NIT2: variants seen among roughly 807,000 people sequenced by gnomAD.
NIT2 encodes omega-amidase NIT2.
A neutral mutation model predicts 42.7 loss-of-function variants in NIT2; 46 were observed. That is an observed-to-expected ratio of 1.08 (90% CI 0.85 to 1.38). The LOEUF is 1.38. NIT2 is among the 40% of genes most tolerant of loss of function. NIT2 has a pLI of 0.00. For missense variants in NIT2, 309 were observed against 342.5 expected, an observed-to-expected ratio of 0.90 and a Z score of 0.77; for synonymous variants, 123 against 121.9, an observed-to-expected ratio of 1.01 and a Z score of -0.06.
chr3:100,353,478 G>A (rs1156917936), intron 8 of NIT2, among the ~76,000 whole-genome samples: 1 of 152,150 alleles, frequency 6.6e-6, no homozygotes, highest in Admixed American at 6.5e-5. Context: ...TTAGGCTTGG[G>A]GACATTGAAG....
At chr3:100,346,659 G>A (rs534245868) in intron 6 of NIT2, among the ~76,000 whole-genome samples, 6 of 152,290 alleles carry the variant, frequency 3.9e-5, no homozygotes, top group East Asian at 1.9e-4. Flanking sequence ...TGGGAAGAGC[G>A]AGTTCAAAAG....
chr3:100,334,839 G>A, intron 1 of NIT2, 41 bp downstream of exon 1: 1 of 1,209,010 alleles, frequency 8.3e-7, no homozygotes. Context: ...AGTTCGGGCC[G>A]CGGGGGAGGC....
chr3:100,339,140 G>A lies in NIT2; in HGVS notation c.61G>A (p.Val21Ile), dbSNP rs1200133977. The A allele has an allele frequency of 3.1e-6, 5 of 1,613,846 alleles. No homozygotes were observed. The highest frequency in any genetic ancestry group is 4.2e-6 in the Non-Finnish European group (5 of 1,179,992). The change falls in exon 2 of 10, where the codon GTC becomes ATC. Residue 21 changes from valine (V) to isoleucine (I), a missense_variant. By Grantham distance (29) the Val-to-Ile change is conservative (BLOSUM62 3). Transcript: ENST00000394140. The stretch of plus-strand genomic sequence containing the variant: ...GATTTCTTCCATCAAATCAGATAAC[G>A]TCACTCGCGCTTGTAGCTTCATCCG... ...LQISSIKSDN[V>I]TRACSFIREA...
chr3:100,334,799 G>T lies in NIT2; in HGVS notation c.7+1G>T. The T allele has an allele frequency of 7.7e-7, 1 of 1,305,438 alleles. No homozygotes were observed. Among genetic ancestry groups the T allele is most frequent in the East Asian group, 2.8e-5 (1 of 35,528 alleles). The allele number at this position is 1,305,438 out of a possible 1,614,324, so 80.9% of individuals were successfully genotyped here. A position where few individuals can be genotyped will look rare whatever the true frequency, so the allele number is the denominator to read the frequency against. On this transcript the variant is annotated splice_donor_variant, in intron 1 of 9. Coordinates refer to ENST00000394140, the MANE Select transcript of NIT2 (RefSeq NM_020202.5). LOFTEE classifies it high-confidence loss of function. ...GTGCTTGTCTGCAGAGTCATGACCT[G>T]TAAGTGGCGCGGCCGCGCGCTGCAG...
Position 100,336,610 on chromosome 3 carries a change from G to A in NIT2, c.7+1812G>A, listed in dbSNP as rs150973847. ...ACAAAGGTCTCTGCATCATGAACAA[G>A]GTAAAGAATTAAGTGCTGTGCTTTA... is the stretch of plus-strand genomic sequence containing the variant. On this transcript the variant is annotated intron_variant, in intron 1 of 9. Coordinates refer to ENST00000394140, the MANE Select transcript of NIT2 (RefSeq NM_020202.5). 1.4e-4 allele frequency among the ~76,000 whole-genome samples: 21 copies of A among 152,260 alleles called. No homozygotes were observed. In the East Asian group the frequency reaches 3.9e-3, roughly 28 times the overall value.
intron 7 of NIT2, chr3:100,349,391 G>A (rs1410202475): frequency 6.5e-6 from 1 of 152,778 alleles, no homozygotes; most frequent in African/African-American, 2.4e-5. Flanking sequence ...GGGATTACAG[G>A]TGTGAGCCCC....
intron 4 of NIT2, among the ~76,000 whole-genome samples, chr3:100,342,308 T>C (rs1706165521): frequency 6.6e-6 from 1 of 152,168 alleles, no homozygotes; most frequent in South Asian, 2.1e-4. Context: ...TGTATCTTAA[T>C]TTTTTCTTTA....
intron 6 of NIT2, 94 bp from the exon 7 acceptor site, chr3:100,348,709 G>C (rs1387756234): frequency 1.1e-6 from 1 of 928,678 alleles, no homozygotes; most frequent in East Asian, 2.5e-5. Context: ...GGGAAAGTTT[G>C]AGTTCAGTTC....
In NIT2 at chr3:100,351,998, A is replaced by C. The variant is rs1283568909; in HGVS notation, c.585-406A>C. On this transcript the variant is annotated intron_variant, in intron 7 of 9. Transcript: ENST00000394140. ...GAAGACATTTATGCAGCCAAAAAAC[A>C]CATGAAAAAAATGCTCACCATCAGT... is the stretch of plus-strand genomic sequence containing the variant. Among the ~76,000 whole-genome samples, 3 of 152,218 alleles carry C rather than the reference A, an allele frequency of 2.0e-5. No homozygotes were observed. In the East Asian group the frequency reaches 5.8e-4, roughly 29 times the overall value.
chr3:100,337,480 G>A (rs542864980), intron 1 of NIT2, among the ~76,000 whole-genome samples: 1 of 152,216 alleles, frequency 6.6e-6, no homozygotes, highest in South Asian at 2.1e-4. Flanking sequence ...TGGAGACTGA[G>A]TCTCACTCTG....
intron 7 of NIT2, 80 bp downstream of exon 7, chr3:100,348,961 C>A: frequency 8.4e-7 from 1 of 1,191,004 alleles, no homozygotes; most frequent in Non-Finnish European, 1.2e-6. Context: ...AGGTGCCAGC[C>A]TTCCTGATGT....
intron 8 of NIT2, among the ~76,000 whole-genome samples, chr3:100,354,123 G>A (rs1706301314): frequency 1.3e-5 from 2 of 152,188 alleles, no homozygotes; most frequent in South Asian, 4.1e-4. Context: ...ATGAAGGAGT[G>A]TGGCTGTTCC....
rs1170593020 is a variant in NIT2, at chr3:100,355,573, TAATATA to T, written c.*312_*317del. ...TTGGTATCCTGGTGATTGATTCACC[TAATATA>T]AATATATTTGTGTCATGAACCTCTT... On this transcript the variant is annotated 3_prime_UTR_variant, in exon 10 of 10. Transcript: ENST00000394140. The T allele has an allele frequency of 7.6e-6, 2 of 262,818 alleles. No individual in the cohort carries two copies. Among genetic ancestry groups the T allele is most frequent in the Non-Finnish European group, 1.4e-5 (2 of 140,094 alleles). The allele number at this position is 262,818 out of a possible 1,614,324, so 16.3% of individuals were successfully genotyped here.
At chr3:100,350,241 A>G (rs1427737544) in intron 7 of NIT2, among the ~76,000 whole-genome samples, 1 of 152,218 alleles carries the variant, frequency 6.6e-6, no homozygotes, top group Non-Finnish European at 1.5e-5. Flanking sequence ...CATGAGTATC[A>G]GTGAAGGTAC....
rs1401019852 is a variant in NIT2, at chr3:100,355,296, T to C, written c.*28T>C. 5 of 1,497,216 alleles carry C rather than the reference T, an allele frequency of 3.3e-6. No homozygotes were observed. In the African/African-American group the frequency reaches 5.6e-5, roughly 17 times the overall value. 92.7% of individuals were successfully genotyped at this position (1,497,216 alleles called of 1,614,324 possible). On this transcript the variant is annotated 3_prime_UTR_variant, in exon 10 of 10. Transcript: ENST00000394140. ...TTTATGTTTCTAATGTGTCACAGAATAGGACGATATGATTCTACAACATAA... is the reference window on the plus strand; with the variant it reads ...TTTATGTTTCTAATGTGTCACAGAACAGGACGATATGATTCTACAACATAA...
intron 3 of NIT2, among the ~76,000 whole-genome samples, chr3:100,340,735 C>T (rs1001246667): frequency 6.6e-6 from 1 of 152,122 alleles, no homozygotes. Flanking sequence ...TTAAGTGTTA[C>T]TCAAGATCAT....
rs575066518 is a variant in NIT2 at position 100,344,285 on chromosome 3, A to G, written c.337-1300A>G. ...ACCCAGGGCTGTTCCCTGCTTCCAC[A>G]TGTCTGTGTTCTTCTCTTCAGATTT... On this transcript the variant is annotated intron_variant, in intron 4 of 9. Transcript: ENST00000394140. 1.9e-4 allele frequency among the ~76,000 whole-genome samples: 29 copies of G among 152,304 alleles called. No homozygotes were observed. In the South Asian group the frequency reaches 6.0e-3, roughly 32 times the overall value.
intron 8 of NIT2, among the ~76,000 whole-genome samples, chr3:100,352,754 C>T (rs1192204444): frequency 2.0e-5 from 3 of 152,232 alleles, no homozygotes; most frequent in African/African-American, 7.2e-5. Flanking sequence ...TGGTGACCTT[C>T]ACTGTCAGTC....
intron 1 of NIT2, among the ~76,000 whole-genome samples, chr3:100,336,999 C>T (rs569752914): frequency 3.9e-5 from 6 of 152,292 alleles, no homozygotes; most frequent in South Asian, 2.1e-4. Context: ...TGCGGCCTTC[C>T]GCAGTGTTTG....
Sources: gnomAD v4.1 joint callset for allele counts (sites outside exome capture counted in the v4.1 genomes callset) on GRCh38, gnomAD v4.1.1 for gene constraint, MANE v1.5 for transcripts, NCBI Gene and HGNC (gene_info 2026-07-23, HGNC 2026-07-21) for gene names.